The following RIMBP2 variants were observed in gnomAD, a reference collection of about 807,000 sequenced individuals.
RIMBP2 encodes the protein RIMS-binding protein 2.
A neutral mutation model predicts 118.6 loss-of-function variants in RIMBP2; 48 were observed. The observed-to-expected ratio is 0.40, with a 90% CI of 0.32 to 0.51. RIMBP2 has a LOEUF of 0.51. Among genes scored for constraint, RIMBP2 ranks in the 20% least tolerant of loss-of-function variants. The probability of loss-of-function intolerance (pLI) is 0.41; values close to 1 mark genes in which losing one functional copy is unlikely to be tolerated. For missense variants in RIMBP2, 1,551 were observed against 1,768.3 expected (o/e 0.88, Z 2.20); for synonymous variants, 762 against 742.9 (o/e 1.03, Z -0.42).
At position 130,421,817 on chromosome 12, in the gene RIMBP2, C is replaced by T. The variant is rs1031824293; in HGVS notation, c.3238+636G>A. On this transcript the variant is annotated intron_variant, in intron 17 of 22. Coordinates refer to ENST00000690449, the MANE Select transcript of RIMBP2 (RefSeq NM_001393629.1). Reference sequence around the variant, plus strand: ...GAATTCTCCTTGCCATGATTGATTCCAATAATAGAAGTATCCCCCTCCATG... The same window carrying T: ...GAATTCTCCTTGCCATGATTGATTCTAATAATAGAAGTATCCCCCTCCATG... 4.6e-5 allele frequency among the ~76,000 whole-genome samples: 7 copies of T among 151,906 alleles called. No homozygotes were observed. The South Asian group carries it at 8.3e-4, about 18-fold the overall frequency.
chr12:130,577,286 T>C (rs1198986652), intron 2 of RIMBP2, among the ~76,000 whole-genome samples: 1 of 152,094 alleles, frequency 6.6e-6, no homozygotes, highest in Non-Finnish European at 1.5e-5. Flanking sequence ...GGGTGGAAAA[T>C]GGTGCCTAAT....
rs1202735336 is a variant in RIMBP2, at chr12:130,620,875, T to C, written c.-217+7447A>G. ...ACACCCCTCACCCTGTAACAGACTC[T>C]GTGACCCGCAGTCAACCACCCCACC... On this transcript the variant is annotated intron_variant, in intron 2 of 22. Coordinates refer to ENST00000690449, the MANE Select transcript of RIMBP2 (RefSeq NM_001393629.1). This position sits in a 1 kb window ranked among gnomAD's most constrained non-coding sequence, Gnocchi z 5.3. 6.6e-6 allele frequency among the ~76,000 whole-genome samples: 1 copy of C among 152,190 alleles called. No homozygotes were observed. Among genetic ancestry groups the C allele is most frequent in the Non-Finnish European group, 1.5e-5 (1 of 68,032 alleles).
intron 5 of RIMBP2, 35 bp downstream of exon 5, chr12:130,478,877 G>A: frequency 1.3e-6 from 2 of 1,539,278 alleles, no homozygotes; most frequent in South Asian, 1.1e-5. Context: ...TGGACTCCCT[G>A]CCTCGCACGC....
intron 2 of RIMBP2, among the ~76,000 whole-genome samples, chr12:130,555,300 T>C (rs573485145): frequency 3.9e-5 from 6 of 152,154 alleles, no homozygotes; most frequent in Admixed American, 2.6e-4. Context: ...ATTTAAAAAA[T>C]AATAATAATA....
At chr12:130,557,274 C>T (rs1366579928) in intron 2 of RIMBP2, among the ~76,000 whole-genome samples, 2 of 152,086 alleles carry the variant, frequency 1.3e-5, no homozygotes, top group Admixed American at 6.5e-5. Flanking sequence ...CCCCCACAGC[C>T]TCAGGAGGAC....
intron 2 of RIMBP2, among the ~76,000 whole-genome samples, chr12:130,588,264 A>G (rs1174959078): frequency 3.3e-5 from 5 of 152,066 alleles, no homozygotes; most frequent in African/African-American, 1.2e-4. Context: ...ACCCACTGAC[A>G]AGCAGGTTCC....
rs758204567 is a variant in RIMBP2 at position 130,523,540 on chromosome 12, C to A, written c.-216-5623G>T. Among the ~76,000 whole-genome samples the A allele has an allele frequency of 5.9e-5, 9 of 152,228 alleles. No homozygotes were observed. Among genetic ancestry groups the A allele is most frequent in the Non-Finnish European group, 1.0e-4 (7 of 68,038 alleles). ...GAAACTGGGTCTTCTGAAGACACCC[C>A]CTTCCCCATCAGGAGCTCCAGTTAA... On this transcript the variant is annotated intron_variant, in intron 2 of 22. Coordinates refer to ENST00000690449, the MANE Select transcript of RIMBP2 (RefSeq NM_001393629.1). This position sits in a 1 kb window ranked among gnomAD's most constrained non-coding sequence, Gnocchi z 4.4.
intron 1 of RIMBP2, among the ~76,000 whole-genome samples, chr12:130,631,143 T>C (rs991344977): frequency 1.7e-4 from 26 of 152,132 alleles, no homozygotes; most frequent in African/African-American, 6.3e-4. Flanking sequence ...AGAAAAGCTT[T>C]TGATATCAGA....
chr12:130,706,117 A>C (rs2066104819), intron 1 of RIMBP2, among the ~76,000 whole-genome samples: 1 of 152,212 alleles, frequency 6.6e-6, no homozygotes, highest in Non-Finnish European at 1.5e-5. Context: ...AGGAATCGTA[A>C]TAGCTAATGT....
chr12:130,506,684 G>C lies in RIMBP2; in HGVS notation c.-40C>G, dbSNP rs1189387571. 63 of 985,632 alleles carry C rather than the reference G, an allele frequency of 6.4e-5. No individual in the cohort carries two copies. Among genetic ancestry groups the C allele is most frequent in the Non-Finnish European group, 7.3e-5 (61 of 829,960 alleles). The allele number at this position is 985,632 out of a possible 1,614,324, so 61.1% of individuals were successfully genotyped here. On this transcript the variant is annotated 5_prime_UTR_variant, in exon 4 of 23. Coordinates refer to ENST00000690449, the MANE Select transcript of RIMBP2 (RefSeq NM_001393629.1). The stretch of plus-strand genomic sequence containing the variant: ...GTTCTAGGTTCTCCAGCTTGGCTTG[G>C]AGCTGGTGTTTCTCCTTCACGGCCA...
At chr12:130,686,355 C>T (rs1224282881) in intron 1 of RIMBP2, among the ~76,000 whole-genome samples, 2 of 152,352 alleles carry the variant, frequency 1.3e-5, no homozygotes, top group East Asian at 3.9e-4. Context: ...ACCCCGCGCC[C>T]CCAGGCTGTC....
In RIMBP2 at chr12:130,523,973, C is replaced by T. The variant is rs897379941; in HGVS notation, c.-216-6056G>A. On this transcript the variant is annotated intron_variant, in intron 2 of 22. Coordinates refer to ENST00000690449, the MANE Select transcript of RIMBP2 (RefSeq NM_001393629.1). This position sits in a 1 kb window ranked among gnomAD's most constrained non-coding sequence, Gnocchi z 4.4. ...TCTCTGGCTCTCAGGATCTGGTATC[C>T]ACGCTACAGGATTCAAAACCATGAA... 3.9e-5 allele frequency among the ~76,000 whole-genome samples: 6 copies of T among 152,158 alleles called. No individual in the cohort carries two copies. Among genetic ancestry groups the T allele is most frequent in the African/African-American group, 1.4e-4 (6 of 41,446 alleles).
chr12:130,417,187 T>C (rs955067958), intron 17 of RIMBP2, among the ~76,000 whole-genome samples: 1 of 152,122 alleles, frequency 6.6e-6, no homozygotes, highest in Non-Finnish European at 1.5e-5. Context: ...AGTTTGGAGA[T>C]TTCTTGGAGA....
intron 4 of RIMBP2, among the ~76,000 whole-genome samples, chr12:130,499,895 A>C (rs1329970713): frequency 6.6e-6 from 1 of 152,182 alleles, no homozygotes; most frequent in Non-Finnish European, 1.5e-5. Flanking sequence ...TGGTTGCTCA[A>C]TATTTTTGAA....
chr12:130,407,871 A>T, intron 19 of RIMBP2, 42 bp from the exon 20 acceptor site: 1 of 1,562,522 alleles, frequency 6.4e-7, no homozygotes, highest in Non-Finnish European at 8.8e-7. Context: ...TCATGAGGTT[A>T]TTTCAAACTT....
Position 130,682,897 on chromosome 12 carries a change from G to A in RIMBP2, c.-352+33325C>T, listed in dbSNP as rs527482976. Among the ~76,000 whole-genome samples the A allele has an allele frequency of 2.3e-3, 353 of 152,326 alleles. 3 individuals are homozygous for A. Among genetic ancestry groups the A allele is most frequent in the African/African-American group, 8.0e-3 (332 of 41,582 alleles). On this transcript the variant is annotated intron_variant, in intron 1 of 22. Transcript: ENST00000690449. Reference sequence around the variant, plus strand: ...ACATCCAAGTATTTCTTTCAGATACGAGTACCCCGAGCTATGAGCAAAACA... The same window carrying A: ...ACATCCAAGTATTTCTTTCAGATACAAGTACCCCGAGCTATGAGCAAAACA...
At chr12:130,713,332 CCAA>C (rs1341290891) in intron 1 of RIMBP2, among the ~76,000 whole-genome samples, 2 of 151,890 alleles carry the variant, frequency 1.3e-5, no homozygotes, top group African/African-American at 2.4e-5. Flanking sequence ...ACCAGCATCA[CCAA>C]CAAGAGATGC....
At chr12:130,601,843 T>C (rs1455305820) in intron 2 of RIMBP2, among the ~76,000 whole-genome samples, 2 of 152,222 alleles carry the variant, frequency 1.3e-5, no homozygotes, top group Middle Eastern at 3.2e-3. Flanking sequence ...CTACTATATA[T>C]GTTCAGTATG....
At chr12:130,713,939 G>T (rs981866766) in intron 1 of RIMBP2, among the ~76,000 whole-genome samples, 14 of 152,170 alleles carry the variant, frequency 9.2e-5, no homozygotes, top group African/African-American at 3.1e-4. Flanking sequence ...CCTCAAAGTG[G>T]GGTCCCTGGA....
Sources: gnomAD v4.1 joint callset for allele counts (sites outside exome capture counted in the v4.1 genomes callset) on GRCh38, gnomAD v4.1.1 for gene constraint, Gnocchi (gnomAD v3.1) non-coding constraint, MANE v1.5 for transcripts, NCBI Gene and HGNC (gene_info 2026-07-23, HGNC 2026-07-21) for gene names.